Variants in PTPRT observed in about 807,000 individuals in gnomAD.
PTPRT encodes receptor-type tyrosine-protein phosphatase T.
In PTPRT, 56 loss-of-function variants were observed where a neutral mutation model predicts 176.8. The ratio of observed to expected loss-of-function variants is 0.32; its 90% CI spans 0.26 to 0.40. The LOEUF (loss-of-function observed/expected upper bound fraction) is 0.40, where lower values mean the gene tolerates loss of function less well. Among genes scored for constraint, PTPRT ranks in the 10% least tolerant of loss-of-function variants. The pLI, the probability that PTPRT is intolerant of heterozygous loss-of-function variation, is 1.00. For synonymous variants in PTPRT, 783 were observed against 739.0 expected (o/e 1.06, Z -0.96); for missense variants, 1,540 against 1,908.2 (o/e 0.81, Z 3.60).
rs1288344857 is a variant in PTPRT, at chr20:42,078,330, A to G, written c.*2549T>C. 1.9e-5 allele frequency: 4 copies of G among 210,470 alleles called. No homozygotes were observed. Among genetic ancestry groups the G allele is most frequent in the Admixed American group, 1.2e-4 (2 of 16,930 alleles). The allele number at this position is 210,470 out of a possible 1,614,324, so 13.0% of individuals were successfully genotyped here. On this transcript the variant is annotated 3_prime_UTR_variant, in exon 31 of 31. Coordinates refer to ENST00000373187, the MANE Select transcript of PTPRT (RefSeq NM_007050.6). ...GAAGCAACTTTTGTCGGCTCCTTTC[A>G]TGTTCCATCCTCATGGGCCTGGAGA...
chr20:42,701,142 G>A (rs1312005681), intron 6 of PTPRT, among the ~76,000 whole-genome samples: 1 of 152,198 alleles, frequency 6.6e-6, no homozygotes, highest in Non-Finnish European at 1.5e-5. Context: ...GCAGAGTCAT[G>A]AGTGGCCATC....
In PTPRT at chr20:42,791,415, T is replaced by C. The variant is rs1600743520; in HGVS notation, c.266A>G (p.His89Arg). The C allele has an allele frequency of 1.2e-6, 2 of 1,613,754 alleles. No homozygotes were observed. The highest frequency in any genetic ancestry group is 1.7e-5 in the Admixed American group (1 of 59,976). The part of the protein sequence containing the change: ...SSGRASGQKA[H>R]LLLPTLKEND... ...CTCCTTCAGGGTTGGCAGGAGAAGG[T>C]GGGCCTTCTGGCCAGAGGCTCTCCC... The change falls in exon 3 of 31, where the codon CAC becomes CGC. Residue 89 changes from histidine to arginine, a missense_variant. Physicochemically the swap from His to Arg is conservative, Grantham distance 29. This residue lies in a region of PTPRT where 116 missense variants were observed against 118.5 expected (regional missense o/e 0.98). Coordinates refer to ENST00000373187, the MANE Select transcript of PTPRT (RefSeq NM_007050.6).
At chr20:42,052,603 T>C in the PTPRT span, among the ~76,000 whole-genome samples, 11 of 152,268 alleles carry the variant, frequency 7.2e-5, no homozygotes, top group East Asian at 2.1e-3. Flanking sequence ...CTCATCTCTG[T>C]GTATGCCGTT....
At chr20:42,840,349 G>A (rs1763700146) in intron 2 of PTPRT, among the ~76,000 whole-genome samples, 1 of 152,036 alleles carries the variant, frequency 6.6e-6, no homozygotes, top group Non-Finnish European at 1.5e-5. Flanking sequence ...TCCAAATAAG[G>A]TCACAATCTG....
chr20:42,349,660 C>T (rs962904643), intron 11 of PTPRT, among the ~76,000 whole-genome samples: 1 of 152,144 alleles, frequency 6.6e-6, no homozygotes, highest in Non-Finnish European at 1.5e-5. Context: ...CGCCTCATTC[C>T]TGGTACATAA....
chr20:42,621,872 G>A (rs1190117877), intron 7 of PTPRT, among the ~76,000 whole-genome samples: 1 of 145,108 alleles, frequency 6.9e-6, no homozygotes, highest in Non-Finnish European at 1.5e-5. Context: ...AGTTATGAAA[G>A]AGAACAGCTA....
chr20:42,534,592 C>T lies in PTPRT; in HGVS notation c.1154-62030G>A, dbSNP rs1297763565. Among the ~76,000 whole-genome samples, 4 of 152,064 alleles carry T rather than the reference C, an allele frequency of 2.6e-5. No individual in the cohort carries two copies. In the South Asian group the frequency reaches 6.2e-4, roughly 24 times the overall value. ...CAGAGCTTGCAGTGAGCCGAGATCA[C>T]GCCACTGCACTCCAGCCTGGGCGAC... On this transcript the variant is annotated intron_variant, in intron 7 of 30. Coordinates refer to ENST00000373187, the MANE Select transcript of PTPRT (RefSeq NM_007050.6).
At chr20:42,842,679 A>G (rs2078299242) in intron 2 of PTPRT, among the ~76,000 whole-genome samples, 1 of 152,122 alleles carries the variant, frequency 6.6e-6, no homozygotes, top group Admixed American at 6.5e-5. Context: ...TTTCGCCTCT[A>G]AAAGTGCTGG....
At chr20:42,106,528 G>A (rs932071453) in intron 24 of PTPRT, among the ~76,000 whole-genome samples, 3 of 152,072 alleles carry the variant, frequency 2.0e-5, no homozygotes, top group Non-Finnish European at 4.4e-5. Context: ...CTGCTTGGAT[G>A]GCCTCAGAGA....
chr20:42,668,429 G>A (rs191942548), intron 7 of PTPRT, among the ~76,000 whole-genome samples: 5 of 152,226 alleles, frequency 3.3e-5, no homozygotes, highest in Admixed American at 2.0e-4. Context: ...GTTCCCAAGC[G>A]GACTCTCACT....
chr20:42,119,963 A>ATGGTAT lies in PTPRT; in HGVS notation c.2850_2855dup (p.Tyr951_His952insGlnTyr). The ATGGTAT allele has an allele frequency of 6.2e-7, 1 of 1,608,762 alleles. No individual in the cohort carries two copies. The highest frequency in any genetic ancestry group is 1.1e-5 in the South Asian group (1 of 90,324). ...GAGTCGCAATGTAGTGCCGAGGTCG[A>ATGGTAT]TGGTATCCCTGGATAACAGGAGAAA... On this transcript the variant is annotated inframe_insertion, in exon 20 of 31. Coordinates refer to ENST00000373187, the MANE Select transcript of PTPRT (RefSeq NM_007050.6).
intron 9 of PTPRT, among the ~76,000 whole-genome samples, chr20:42,437,310 A>T (rs1196246121): frequency 6.6e-6 from 1 of 152,202 alleles, no homozygotes. Context: ...AGCTTTTTGA[A>T]TCTCCCTGGT....
chr20:42,455,108 T>C (rs1180223926), intron 8 of PTPRT, among the ~76,000 whole-genome samples: 2 of 152,178 alleles, frequency 1.3e-5, no homozygotes, highest in African/African-American at 4.8e-5. Flanking sequence ...TCCAAATCCA[T>C]TGTGGACTCA....
At chr20:42,954,851 G>A (rs1410644084) in intron 1 of PTPRT, among the ~76,000 whole-genome samples, 1 of 151,772 alleles carries the variant, frequency 6.6e-6, no homozygotes, top group Admixed American at 6.6e-5. Context: ...CACAATAGTA[G>A]GAGAAGACGA....
At chr20:42,975,511 T>C (rs965192216) in intron 1 of PTPRT, among the ~76,000 whole-genome samples, 1 of 152,220 alleles carries the variant, frequency 6.6e-6, no homozygotes, top group African/African-American at 2.4e-5. Flanking sequence ...ATTTGGCAAA[T>C]TTTTATTTTA....
chr20:42,675,869 G>C (rs1256583531), intron 7 of PTPRT, among the ~76,000 whole-genome samples: 1 of 152,226 alleles, frequency 6.6e-6, no homozygotes, highest in African/African-American at 2.4e-5. Context: ...GGATAAAGAG[G>C]CATTCTGCTG....
At chr20:43,153,515 C>T (rs996853972) in intron 1 of PTPRT, among the ~76,000 whole-genome samples, 5 of 151,968 alleles carry the variant, frequency 3.3e-5, no homozygotes, top group Non-Finnish European at 7.4e-5. Context: ...AAGGTTAGTT[C>T]CCTGCCTTCA....
intron 6 of PTPRT, among the ~76,000 whole-genome samples, chr20:42,705,136 C>G (rs1314258367): frequency 6.6e-6 from 1 of 152,058 alleles, no homozygotes; most frequent in Non-Finnish European, 1.5e-5. Flanking sequence ...ACCCGGGAGG[C>G]AGAGGTTGCC....
chr20:43,185,019 T>C (rs1029147775), intron 1 of PTPRT, among the ~76,000 whole-genome samples: 2 of 152,196 alleles, frequency 1.3e-5, no homozygotes, highest in Admixed American at 1.3e-4. Flanking sequence ...TGAACCCCTG[T>C]CCCTGTGGCT....
Sources: gnomAD v4.1 joint callset for allele counts (sites outside exome capture counted in the v4.1 genomes callset) on GRCh38, gnomAD v4.1.1 for gene constraint, gnomAD v4.1.1 regional missense constraint, MANE v1.5 for transcripts, NCBI Gene and HGNC (gene_info 2026-07-23, HGNC 2026-07-21) for gene names.